The following TACC2 variants were observed in gnomAD, a reference collection of about 807,000 sequenced individuals.
TACC2 encodes transforming acidic coiled-coil containing protein 2, also known as transforming acidic coiled-coil-containing protein 2.
In TACC2, 137 loss-of-function variants were observed where a neutral mutation model predicts 227.3. The observed-to-expected ratio is 0.60, with a 90% confidence interval of 0.52 to 0.69. The LOEUF is 0.69. TACC2 is among the 30% of genes least tolerant of loss of function. The pLI is 0.00. For missense variants in TACC2, 3,470 were observed against 3,694.4 expected, an observed-to-expected ratio of 0.94 and a Z score of 1.57; for synonymous variants, 1,523 against 1,487.5, an observed-to-expected ratio of 1.02 and a Z score of -0.55.
chr10:122,034,653 C>T (rs928845984), intron 2 of TACC2, among the ~76,000 whole-genome samples: 6 of 152,214 alleles, frequency 3.9e-5, no homozygotes, highest in African/African-American at 9.6e-5. Flanking sequence ...GTTTTGGGGC[C>T]GGGCGCAGTG....
intron 16 of TACC2, among the ~76,000 whole-genome samples, chr10:122,232,335 C>T (rs535344514): frequency 6.6e-6 from 1 of 150,976 alleles, no homozygotes; most frequent in South Asian, 2.1e-4. Context: ...TGGTGAGTAG[C>T]TCAGGGTGGA....
intron 22 of TACC2, among the ~76,000 whole-genome samples, chr10:122,250,481 A>G (rs2096232495): frequency 6.6e-6 from 1 of 152,170 alleles, no homozygotes; most frequent in Non-Finnish European, 1.5e-5. Context: ...TCAGAAATCC[A>G]TGTGCCTCCC....
In TACC2 at chr10:122,083,001, T is replaced by A. The variant is rs749704333; in HGVS notation, c.501T>A (p.Ile167=). The A allele has an allele frequency of 1.9e-6, 3 of 1,612,532 alleles. No individual in the cohort carries two copies. Among genetic ancestry groups the A allele is most frequent in the Non-Finnish European group, 2.5e-6 (3 of 1,179,990 alleles). The change falls in exon 4 of 23, where the codon ATT becomes ATA. Residue 167 remains isoleucine (I), a synonymous_variant. Coordinates refer to ENST00000369005, the MANE Select transcript of TACC2 (RefSeq NM_206862.4). The part of the protein sequence containing the change: ...ERDSSTPYQE[I]AAVPSAGRER... ...ACAGCTCTACTCCATACCAAGAGAT[T>A]GCTGCCGTCCCCAGTGCTGGAAGAG...
At chr10:122,132,461 A>G in intron 5 of TACC2, 148 bp from the exon 6 acceptor site, 5 of 905,638 alleles carry the variant, frequency 5.5e-6, no homozygotes, top group Non-Finnish European at 8.5e-6. Context: ...AGGGAGGAGA[A>G]TTGCCTGTAC....
chr10:122,181,853 T>C (rs1029610424), intron 7 of TACC2, among the ~76,000 whole-genome samples: 6 of 152,140 alleles, frequency 3.9e-5, no homozygotes, highest in African/African-American at 1.5e-4. Context: ...CTACAATTAG[T>C]GTGCTGTTTA....
intron 9 of TACC2, among the ~76,000 whole-genome samples, chr10:122,215,140 A>T (rs997971884): frequency 6.6e-6 from 1 of 152,200 alleles, no homozygotes; most frequent in African/African-American, 2.4e-5. Context: ...TTTCTGGGTC[A>T]TTCTCCAAAA....
intron 3 of TACC2, among the ~76,000 whole-genome samples, chr10:122,068,956 C>G (rs975543722): frequency 6.9e-6 from 1 of 144,394 alleles, no homozygotes; most frequent in East Asian, 2.1e-4. Flanking sequence ...CCTCAGCCTC[C>G]CAAAGTGCTG....
chr10:122,086,675 T>G lies in TACC2; in HGVS notation c.4175T>G (p.Val1392Gly), dbSNP rs148089397. ...QDPKQGTSGGVDTSSEQIATL... is the reference protein window; with the variant it reads ...QDPKQGTSGGGDTSSEQIATL... ...CCAAAGCAGGGCACATCAGGTGGTG[T>G]GGACACAAGCTCTGAGCAAATCGCC... Residue 1392 changes from valine (V) to glycine (G), a missense_variant, in exon 4 of 23, where the codon GTG becomes GGG. Around this residue, in one of 10 missense-constraint regions of TACC2, gnomAD observed 1,924 missense variants for 1,978.3 expected, o/e 0.97. Transcript: ENST00000369005. 5.2e-4 allele frequency: 838 copies of G among 1,612,782 alleles called. 4 individuals are homozygous for G. In the African/African-American group the frequency reaches 0.01, roughly 19 times the overall value.
intron 8 of TACC2, among the ~76,000 whole-genome samples, chr10:122,198,812 T>G (rs1214222918): frequency 6.6e-6 from 1 of 152,146 alleles, no homozygotes; most frequent in Non-Finnish European, 1.5e-5. Context: ...TAGTAGGTGT[T>G]GAGTGAAAGT....
intron 1 of TACC2, among the ~76,000 whole-genome samples, chr10:122,014,270 CAT>C (rs1956291607): frequency 6.7e-6 from 1 of 148,672 alleles, no homozygotes; most frequent in Middle Eastern, 3.5e-3. Flanking sequence ...AGTGCAATGG[CAT>C]GATCTTGGCT....
In TACC2 at chr10:122,239,159, A is replaced by G. The variant is rs532900127; in HGVS notation, c.8348+1122A>G. 8.5e-5 allele frequency among the ~76,000 whole-genome samples: 13 copies of G among 152,142 alleles called. No individual in the cohort carries two copies. In the South Asian group the frequency reaches 2.7e-3, roughly 32 times the overall value. On this transcript the variant is annotated intron_variant, in intron 18 of 22. Transcript: ENST00000369005. ...GCTGGGATTACAGGCACCTGCCACC[A>G]TGCCCGGCTAATTTTTGTTTTGTAT...
chr10:122,161,242 C>G (rs1368605539), intron 7 of TACC2, among the ~76,000 whole-genome samples: 21 of 152,174 alleles, frequency 1.4e-4, no homozygotes, highest in Admixed American at 1.4e-3. Flanking sequence ...AGCCCCTCTC[C>G]TGGTTCTTGA....
intron 3 of TACC2, among the ~76,000 whole-genome samples, chr10:122,078,662 C>T (rs937553527): frequency 3.3e-5 from 5 of 152,198 alleles, no homozygotes; most frequent in Admixed American, 2.0e-4. Context: ...AACTCAATCT[C>T]GAAGCATAAA....
At chr10:122,230,653 G>A (rs879066495) in intron 16 of TACC2, among the ~76,000 whole-genome samples, 2 of 152,250 alleles carry the variant, frequency 1.3e-5, no homozygotes, top group East Asian at 1.9e-4. Context: ...CCGCGGGATA[G>A]TAATGCTGGT....
intron 1 of TACC2, among the ~76,000 whole-genome samples, chr10:122,009,726 G>A (rs916570267): frequency 6.6e-6 from 1 of 152,102 alleles, no homozygotes; most frequent in Non-Finnish European, 1.5e-5. Flanking sequence ...AGGAGAGTGA[G>A]ACCATCCTGG....
At chr10:122,227,432 A>G (rs2095650884) in intron 13 of TACC2, among the ~76,000 whole-genome samples, 1 of 152,190 alleles carries the variant, frequency 6.6e-6, no homozygotes, top group African/African-American at 2.4e-5. Flanking sequence ...ATGTTGTTAA[A>G]ACAGTAGTGG....
intron 7 of TACC2, among the ~76,000 whole-genome samples, chr10:122,182,484 GT>G (rs2094004219): frequency 6.6e-6 from 1 of 152,170 alleles, no homozygotes; most frequent in African/African-American, 2.4e-5. Context: ...AGGTGTGTCT[GT>G]GTTTGTTAAA....
rs940003180 is a variant in TACC2 at position 122,086,524 on chromosome 10, A to G, written c.4024A>G (p.Thr1342Ala). ...MPLLAKGKQA[T>A]GEEKAATAPG... ...ACTTCTGGCCAAGGGCAAGCAGGCA[A>G]CAGGGGAAGAGAAAGCAGCAACAGC... The change falls in exon 4 of 23, where the codon ACA becomes GCA. Residue 1342 changes from threonine (T) to alanine (A), a missense_variant. Transcript: ENST00000369005. 6.2e-7 allele frequency: 1 copy of G among 1,612,192 alleles called. No homozygotes were observed. The highest frequency in any genetic ancestry group is 1.7e-4 in the Middle Eastern group (1 of 6,054).
Position 122,180,902 on chromosome 10 carries a change from T to C in TACC2, c.5835-14138T>C, listed in dbSNP as rs568848225. Among the ~76,000 whole-genome samples, 42 of 152,040 alleles carry C rather than the reference T, an allele frequency of 2.8e-4. No individual in the cohort carries two copies. The South Asian group carries it at 7.9e-3, about 29-fold the overall frequency. On this transcript the variant is annotated intron_variant, in intron 7 of 22. Coordinates refer to ENST00000369005, the MANE Select transcript of TACC2 (RefSeq NM_206862.4). The surrounding 1 kb of genome is among the most constrained non-coding windows in gnomAD (Gnocchi z 4.5). Reference sequence around the variant, plus strand: ...GGGATTACAGGCACGCGCCCCCATGTCCACCTAATTTTTATATTTTTAGTA... The same window carrying C: ...GGGATTACAGGCACGCGCCCCCATGCCCACCTAATTTTTATATTTTTAGTA...
Sources: gnomAD v4.1 joint callset for allele counts (sites outside exome capture counted in the v4.1 genomes callset) on GRCh38, gnomAD v4.1.1 for gene constraint, gnomAD v4.1.1 regional missense constraint, Gnocchi (gnomAD v3.1) non-coding constraint, MANE v1.5 for transcripts, NCBI Gene and HGNC (gene_info 2026-07-23, HGNC 2026-07-21) for gene names.